BRPF1: variants seen among roughly 807,000 people sequenced by gnomAD.
The protein encoded by BRPF1 is bromodomain and PHD finger containing 1, also known as peregrin.
A neutral mutation model predicts 115.0 loss-of-function variants in BRPF1; 15 were observed. The observed-to-expected ratio is 0.13, with a 90% CI of 0.09 to 0.20. The LOEUF is 0.20. Among genes scored for constraint, BRPF1 ranks in the 10% least tolerant of loss-of-function variants. The pLI is 1.00. For synonymous variants in BRPF1, 647 were observed against 619.8 expected, an observed-to-expected ratio of 1.04 and a Z score of -0.65; for missense variants, 1,118 against 1,638.3, an observed-to-expected ratio of 0.68 and a Z score of 5.48.
intron 6 of BRPF1, 151 bp from the exon 7 acceptor site, chr3:9,742,793 T>A (rs977481427): frequency 1.4e-5 from 13 of 933,520 alleles, no homozygotes; most frequent in Non-Finnish European, 1.9e-5. Context: ...AGGACCAGAA[T>A]CCAGCTTTCC....
In BRPF1 at chr3:9,744,138, C is replaced by G. The variant is rs977814850; in HGVS notation, c.2636-86C>G. On this transcript the variant is annotated intron_variant, in intron 8 of 13. Coordinates refer to ENST00000383829, the MANE Select transcript of BRPF1 (RefSeq NM_001003694.2). ...CCCAACGTTAGCTGGAGTAATGGTC[C>G]TATATGCCCAGGGCATGACCCTGGA... 7.0e-5 allele frequency: 101 copies of G among 1,435,298 alleles called. No individual in the cohort carries two copies. In the East Asian group the frequency reaches 1.2e-3, roughly 17 times the overall value. 88.9% of individuals were successfully genotyped at this position (1,435,298 alleles called of 1,614,324 possible). A position where few individuals can be genotyped will look rare whatever the true frequency, so the allele number is the denominator to read the frequency against.
intron 2 of BRPF1, among the ~76,000 whole-genome samples, chr3:9,736,637 CT>C (rs2076946737): frequency 6.6e-6 from 1 of 152,198 alleles, no homozygotes; most frequent in Admixed American, 6.5e-5. Flanking sequence ...TAGACTGACT[CT>C]TTCTTTCTGG....
Position 9,734,052 on chromosome 3 carries a change from G to T in BRPF1, c.-10-79G>T. The T allele has an allele frequency of 6.6e-7, 1 of 1,512,074 alleles. No individual in the cohort carries two copies. The highest frequency in any genetic ancestry group is 8.8e-7 in the Non-Finnish European group (1 of 1,135,446). The allele number at this position is 1,512,074 out of a possible 1,614,324, so 93.7% of individuals were successfully genotyped here. On this transcript the variant is annotated intron_variant, in intron 1 of 13. Transcript: ENST00000383829. This position sits in a 1 kb window ranked among gnomAD's most constrained non-coding sequence, Gnocchi z 5.7. The stretch of plus-strand genomic sequence containing the variant: ...CTGGTGACTCCAAGTGAGGGGGAGG[G>T]CTAGAAAGACTGGGGTCTCTGGTGC...
intron 9 of BRPF1, 22 bp from the exon 10 acceptor site, chr3:9,744,986 C>CCTCCCCTTCCCTT: frequency 6.2e-7 from 1 of 1,614,172 alleles, no homozygotes; most frequent in Non-Finnish European, 8.5e-7. Context: ...TTCCTTCCCT[C>CCTCCCCTTCCCTT]CTCCCCTTCC....
chr3:9,742,483 A>C (rs1344047984), intron 6 of BRPF1: 1 of 985,296 alleles, frequency 1.0e-6, no homozygotes, highest in Non-Finnish European at 1.2e-6. Flanking sequence ...AAGGCTCAGC[A>C]CCTAAAGAAC....
In BRPF1 at chr3:9,745,271, G is replaced by A; in HGVS notation, c.3068+116G>A. ...CAGCCATCTCAGTCTAGATTAAGAT[G>A]GCTCAAACTCAAGGTTCTCTGCTAA... On this transcript the variant is annotated intron_variant, in intron 10 of 13. Coordinates refer to ENST00000383829, the MANE Select transcript of BRPF1 (RefSeq NM_001003694.2). This position sits in a 1 kb window ranked among gnomAD's most constrained non-coding sequence, Gnocchi z 5.1. 7.8e-7 allele frequency: 1 copy of A among 1,275,494 alleles called. No homozygotes were observed. Among genetic ancestry groups the A allele is most frequent in the Non-Finnish European group, 1.1e-6 (1 of 938,028 alleles). The allele number at this position is 1,275,494 out of a possible 1,614,324, so 79.0% of individuals were successfully genotyped here.
intron 2 of BRPF1, among the ~76,000 whole-genome samples, chr3:9,736,840 A>G (rs2076950376): frequency 6.6e-6 from 1 of 152,186 alleles, no homozygotes; most frequent in East Asian, 1.9e-4. Flanking sequence ...CTTGCATTCT[A>G]ATATGCTTCC....
chr3:9,739,407 G>A lies in BRPF1; in HGVS notation c.1008G>A (p.Lys336=). ...TGGATTGTGCCCTGTGCCCCAACAAGGGCGGTGCCTTCAAGCAGACAGATG... is the reference window on the plus strand; with the variant it reads ...TGGATTGTGCCCTGTGCCCCAACAAAGGCGGTGCCTTCAAGCAGACAGATG... ...RAVDCALCPN[K]GGAFKQTDDG... is the part of the protein sequence containing the mutation. Residue 336 remains lysine (K), a synonymous_variant, in exon 3 of 14, where the codon AAG becomes AAA. Coordinates refer to ENST00000383829, the MANE Select transcript of BRPF1 (RefSeq NM_001003694.2). 1.9e-6 allele frequency: 3 copies of A among 1,614,208 alleles called. No individual in the cohort carries two copies. The highest frequency in any genetic ancestry group is 2.5e-6 in the Non-Finnish European group (3 of 1,180,034).
At chr3:9,741,578 A>G in intron 5 of BRPF1, 139 bp downstream of exon 5, 1 of 759,968 alleles carries the variant, frequency 1.3e-6, no homozygotes, top group Non-Finnish European at 1.8e-6. Context: ...AGGGGTTTGC[A>G]GTGAGCCAAG....
At chr3:9,738,182 G>A (rs1378791634) in intron 2 of BRPF1, among the ~76,000 whole-genome samples, 1 of 152,012 alleles carries the variant, frequency 6.6e-6, no homozygotes, top group African/African-American at 2.4e-5. Flanking sequence ...AGTGATACAG[G>A]TTGGACATTA....
Position 9,743,899 on chromosome 3 carries a change from A to G in BRPF1, c.2633A>G (p.Lys878Arg). Reference protein sequence around the residue: ...AEESSSQETSKGLGPNMSSTP... With the variant: ...AEESSSQETSRGLGPNMSSTP... ...GAGAGCAGCAGCCAGGAGACAAGCA[A>G]AGGTCTGAATCCCATGGCAAGGTGG... The change falls in exon 8 of 14, where the codon AAA (lysine) becomes AGA (arginine). Residue 878 changes from lysine to arginine, a missense_variant and splice_region_variant. Lys to Arg is a conservative substitution (Grantham distance 26). Coordinates refer to ENST00000383829, the MANE Select transcript of BRPF1 (RefSeq NM_001003694.2). This position sits in a 1 kb window ranked among gnomAD's most constrained non-coding sequence, Gnocchi z 6.1. 1.3e-6 allele frequency: 2 copies of G among 1,566,024 alleles called. No homozygotes were observed. The highest frequency in any genetic ancestry group is 1.7e-6 in the Non-Finnish European group (2 of 1,151,426).
Position 9,745,478 on chromosome 3 carries a change from T to TCAGA in BRPF1, c.3069-93_3069-90dup, listed in dbSNP as rs1249823375. On this transcript the variant is annotated intron_variant, in intron 10 of 13. Transcript: ENST00000383829. This position sits in a 1 kb window ranked among gnomAD's most constrained non-coding sequence, Gnocchi z 5.1. The stretch of plus-strand genomic sequence containing the variant: ...ATATAGCCTCTGCTTTCCAAAAGTC[T>TCAGA]CAGACCCTGCGGGCTTTAAGAGCTG... 2 of 1,422,678 alleles carry TCAGA rather than the reference T, an allele frequency of 1.4e-6. No homozygotes were observed. Among genetic ancestry groups the TCAGA allele is most frequent in the African/African-American group, 2.8e-5 (2 of 70,688 alleles). The allele number at this position is 1,422,678 out of a possible 1,614,324, so 88.1% of individuals were successfully genotyped here.
intron 2 of BRPF1, among the ~76,000 whole-genome samples, chr3:9,736,666 C>G (rs1352181475): frequency 6.6e-6 from 1 of 152,236 alleles, no homozygotes; most frequent in South Asian, 2.1e-4. Context: ...ATATGTTCTT[C>G]AGGGGAGCAG....
chr3:9,744,180 A>G lies in BRPF1; in HGVS notation c.2636-44A>G, dbSNP rs1196839738. 2.0e-6 allele frequency: 3 copies of G among 1,506,078 alleles called. No individual in the cohort carries two copies. In the East Asian group the frequency reaches 6.9e-5, roughly 35 times the overall value. 93.3% of individuals were successfully genotyped at this position (1,506,078 alleles called of 1,614,324 possible). ...GACCCTGGATATCTACCCTTCTCAAATCAGGCCCCTCACCAACTCTCCTTC... is the reference window on the plus strand; with the variant it reads ...GACCCTGGATATCTACCCTTCTCAAGTCAGGCCCCTCACCAACTCTCCTTC... On this transcript the variant is annotated intron_variant, in intron 8 of 13. Transcript: ENST00000383829.
intron 3 of BRPF1, 28 bp from the exon 4 acceptor site, chr3:9,740,751 G>C (rs774242990): frequency 6.2e-7 from 1 of 1,611,010 alleles, no homozygotes; most frequent in South Asian, 1.1e-5. Flanking sequence ...GGCCCAACAA[G>C]TTTTACTCTT....
At chr3:9,744,932 C>T in intron 9 of BRPF1, 76 bp from the exon 10 acceptor site, 1 of 1,594,282 alleles carries the variant, frequency 6.3e-7, no homozygotes, top group Non-Finnish European at 8.6e-7. Context: ...GCTCCAAGTC[C>T]CTCTTACCTC....
At chr3:9,738,759 A>ACCACTTTCT (rs2125499522) in intron 2 of BRPF1, among the ~76,000 whole-genome samples, 1 of 152,328 alleles carries the variant, frequency 6.6e-6, no homozygotes, top group African/African-American at 2.4e-5. Context: ...TCCCAGCTCC[A>ACCACTTTCT]CCACTTTCTC....
At position 9,745,054 on chromosome 3, in the gene BRPF1, G is replaced by A; in HGVS notation, c.2967G>A (p.Lys989=). 2 of 1,614,228 alleles carry A rather than the reference G, an allele frequency of 1.2e-6. No homozygotes were observed. The highest frequency in any genetic ancestry group is 1.7e-6 in the Non-Finnish European group (2 of 1,180,046). ...GCGGTGGAAACCAACCAGTGAAGAAGAGTTTCTTGGTATACCGTAATGACT... is the reference window on the plus strand; with the variant it reads ...GCGGTGGAAACCAACCAGTGAAGAAAAGTTTCTTGGTATACCGTAATGACT... ...GFSGGNQPVK[K]SFLVYRNDCS... The change falls in exon 10 of 14, where the codon AAG becomes AAA. Residue 989 remains lysine, a synonymous_variant. Transcript: ENST00000383829. This position sits in a 1 kb window ranked among gnomAD's most constrained non-coding sequence, Gnocchi z 5.1.
chr3:9,736,004 A>ATTTTTT (rs34061910), intron 2 of BRPF1, among the ~76,000 whole-genome samples: 20 of 89,272 alleles, frequency 2.2e-4, no homozygotes, highest in Middle Eastern at 6.3e-3. Flanking sequence ...TTAAACCTCC[A>ATTTTTT]TTTTTTTTTT....
Sources: gnomAD v4.1 joint callset for allele counts (sites outside exome capture counted in the v4.1 genomes callset) on GRCh38, gnomAD v4.1.1 for gene constraint, Gnocchi (gnomAD v3.1) non-coding constraint, MANE v1.5 for transcripts, NCBI Gene and HGNC (gene_info 2026-07-23, HGNC 2026-07-21) for gene names.